MAGI1: variants seen among roughly 807,000 people sequenced by gnomAD.
MAGI1 encodes membrane-associated guanylate kinase, WW and PDZ domain-containing protein 1.
A neutral mutation model predicts 139.9 loss-of-function variants in MAGI1; 58 were observed. That is an observed-to-expected ratio of 0.41 (90% confidence interval 0.34 to 0.52). The LOEUF (loss-of-function observed/expected upper bound fraction) is 0.52, where lower values mean the gene tolerates loss of function less well. Ranked by LOEUF, MAGI1 falls within the 20% of genes least tolerant of loss-of-function variation. The pLI is 0.12. For missense variants in MAGI1, 1,874 were observed against 1,901.6 expected, an observed-to-expected ratio of 0.99 and a Z score of 0.27; for synonymous variants, 812 against 737.9, an observed-to-expected ratio of 1.10 and a Z score of -1.63.
intron 15 of MAGI1, among the ~76,000 whole-genome samples, chr3:65,383,034 G>T (rs1310241968): frequency 2.0e-5 from 3 of 152,124 alleles, no homozygotes; most frequent in African/African-American, 7.2e-5. Flanking sequence ...GAGGCCCAGG[G>T]AAGTTCAATG....
intron 1 of MAGI1, among the ~76,000 whole-genome samples, chr3:65,948,067 G>C (rs2063627516): frequency 6.7e-6 from 1 of 149,966 alleles, no homozygotes; most frequent in Non-Finnish European, 1.5e-5. Context: ...TCAGCCTCCT[G>C]AGTAGCTGGG....
chr3:66,003,484 G>A (rs890885395), intron 1 of MAGI1, among the ~76,000 whole-genome samples: 6 of 151,952 alleles, frequency 3.9e-5, no homozygotes, highest in African/African-American at 1.2e-4. Context: ...GTGAAACCTC[G>A]TCTCACTCTG....
intron 1 of MAGI1, among the ~76,000 whole-genome samples, chr3:65,681,771 T>G (rs1403012591): frequency 6.6e-6 from 1 of 152,198 alleles, no homozygotes; most frequent in Non-Finnish European, 1.5e-5. Flanking sequence ...GAAAAGAACT[T>G]AAGAATTAGA....
intron 2 of MAGI1, among the ~76,000 whole-genome samples, chr3:65,566,403 A>G (rs1458416935): frequency 6.6e-6 from 1 of 152,242 alleles, no homozygotes; most frequent in African/African-American, 2.4e-5. Flanking sequence ...AGTAAGATTC[A>G]GGGTGATTTT....
chr3:65,803,864 T>C (rs1420774933), intron 1 of MAGI1, among the ~76,000 whole-genome samples: 1 of 152,146 alleles, frequency 6.6e-6, no homozygotes, highest in East Asian at 1.9e-4. Context: ...TACTGAAAAA[T>C]AATTTCTTAA....
chr3:65,740,391 A>G (rs572127854), intron 1 of MAGI1, among the ~76,000 whole-genome samples: 10 of 152,288 alleles, frequency 6.6e-5, no homozygotes, highest in African/African-American at 2.4e-4. Context: ...CAGTGCTTGG[A>G]ATTGTTAATG....
chr3:65,414,304 T>C (rs948484838), intron 12 of MAGI1, among the ~76,000 whole-genome samples: 4 of 152,240 alleles, frequency 2.6e-5, no homozygotes, highest in African/African-American at 9.6e-5. Flanking sequence ...ATTTCACTTC[T>C]CTGGGTTACC....
rs936343046 is a variant in MAGI1 at position 65,817,159 on chromosome 3, C to T, written c.314-195071G>A. Among the ~76,000 whole-genome samples, 4 of 152,312 alleles carry T rather than the reference C, an allele frequency of 2.6e-5. No individual in the cohort carries two copies. In the South Asian group the frequency reaches 8.3e-4, roughly 32 times the overall value. On this transcript the variant is annotated intron_variant, in intron 1 of 22. Coordinates refer to ENST00000402939, the MANE Select transcript of MAGI1 (RefSeq NM_001033057.2). ...ATTATACATTCCTTAATTTGAACTA[C>T]ATGACTACATATGTCAATGGACTAA...
chr3:65,700,450 A>AAAAT (rs144201469), intron 1 of MAGI1, among the ~76,000 whole-genome samples: 14,962 of 151,638 alleles, frequency 0.099, 937 homozygotes, highest in African/African-American at 0.17. Context: ...ACTCCATCTC[A>AAAAT]AAATAAATAA....
chr3:65,734,371 G>A (rs1179195622), intron 1 of MAGI1, among the ~76,000 whole-genome samples: 2 of 151,540 alleles, frequency 1.3e-5, no homozygotes, highest in Non-Finnish European at 2.9e-5. Flanking sequence ...GAGGCAGGAG[G>A]ATCTCTTGAG....
At chr3:65,462,624 A>C (rs1949885003) in intron 5 of MAGI1, among the ~76,000 whole-genome samples, 1 of 152,146 alleles carries the variant, frequency 6.6e-6, no homozygotes, top group Non-Finnish European at 1.5e-5. Context: ...TCTATATGAA[A>C]TTTAAAGTAG....
At chr3:65,995,439 A>T (rs979146205) in intron 1 of MAGI1, among the ~76,000 whole-genome samples, 7 of 152,320 alleles carry the variant, frequency 4.6e-5, no homozygotes, top group Admixed American at 3.9e-4. Context: ...CAAGTTAATA[A>T]GAAATTTAAA....
At chr3:65,494,800 C>T (rs1159091959) in intron 2 of MAGI1, among the ~76,000 whole-genome samples, 1 of 152,230 alleles carries the variant, frequency 6.6e-6, no homozygotes, top group Non-Finnish European at 1.5e-5. Context: ...CACACCTACA[C>T]TGGATATTCA....
Position 65,999,485 on chromosome 3 carries a change from G to GA in MAGI1, c.313+38510dup, listed in dbSNP as rs1000098028. Among the ~76,000 whole-genome samples the GA allele has an allele frequency of 5.9e-5, 9 of 151,964 alleles. No homozygotes were observed. In the South Asian group the frequency reaches 6.3e-4, roughly 11 times the overall value. ...TTTCTTTACCCCTCAAGTGTGAGGG[G>GA]AAAAAAATGGGAAAAGCACCTAACA... On this transcript the variant is annotated intron_variant, in intron 1 of 22. Coordinates refer to ENST00000402939, the MANE Select transcript of MAGI1 (RefSeq NM_001033057.2).
intron 1 of MAGI1, among the ~76,000 whole-genome samples, chr3:65,758,586 T>C (rs1042433385): frequency 2.6e-5 from 4 of 152,136 alleles, no homozygotes; most frequent in East Asian, 1.9e-4. Flanking sequence ...GGGAATATCA[T>C]GCCCCAGGAG....
chr3:65,986,521 G>A (rs1479266664), intron 1 of MAGI1, among the ~76,000 whole-genome samples: 1 of 152,142 alleles, frequency 6.6e-6, no homozygotes, highest in African/African-American at 2.4e-5. Context: ...TGTTCCCCAG[G>A]TGCAAGTGCA....
intron 1 of MAGI1, among the ~76,000 whole-genome samples, chr3:65,878,232 C>A (rs2060191989): frequency 6.6e-6 from 1 of 152,042 alleles, no homozygotes. Context: ...AGAATGCAGA[C>A]TTGGCCGGGC....
At chr3:65,659,116 AG>A (rs901893182) in intron 1 of MAGI1, among the ~76,000 whole-genome samples, 1 of 152,146 alleles carries the variant, frequency 6.6e-6, no homozygotes, top group Admixed American at 6.6e-5. Flanking sequence ...TCACCCAGAT[AG>A]GAAGTACAGA....
At chr3:66,022,264 C>T (rs552154011) in intron 1 of MAGI1, among the ~76,000 whole-genome samples, 8 of 152,304 alleles carry the variant, frequency 5.3e-5, no homozygotes, top group African/African-American at 1.7e-4. Context: ...ATTCACATTG[C>T]TTAAGAAAGC....
Sources: allele counts gnomAD v4.1 joint callset (sites outside exome capture counted in the v4.1 genomes callset), GRCh38; gene constraint gnomAD v4.1.1; transcripts MANE v1.5; gene names NCBI Gene and HGNC (gene_info 2026-07-23, HGNC 2026-07-21).